Variants in MAB21L3 observed in about 807,000 individuals in gnomAD.
MAB21L3 encodes protein mab-21-like 3.
MAB21L3 carries 36 observed loss-of-function variants against 37.7 expected under a neutral mutation model. That is an observed-to-expected ratio of 0.96 (90% CI 0.73 to 1.26). The LOEUF is 1.26. Ranked by LOEUF, MAB21L3 falls within the 50% of genes most tolerant of loss-of-function variation. MAB21L3 has a pLI of 0.00. For missense variants in MAB21L3, 430 were observed against 447.3 expected (o/e 0.96, Z 0.35); for synonymous variants, 186 against 176.8 (o/e 1.05, Z -0.41).
intron 3 of MAB21L3, among the ~76,000 whole-genome samples, chr1:116,119,414 C>T (rs1443491952): frequency 3.9e-5 from 6 of 152,122 alleles, no homozygotes; most frequent in Admixed American, 3.3e-4. Context: ...TGAGTGAGGT[C>T]TCAGGTGACT....
Position 116,124,286 on chromosome 1 carries a change from T to C in MAB21L3, c.410T>C (p.Ile137Thr), listed in dbSNP as rs147982833. ...HETDVNIDGD[I>T]VPAKVLLVFR... The stretch of plus-strand genomic sequence containing the variant: ...ACAGATGTGAACATCGACGGAGACA[T>C]TGTGCCTGCCAAGGTCCTCCTAGTG... Residue 137 changes from isoleucine to threonine, a missense_variant, in exon 5 of 8, where the codon ATT becomes ACT. Coordinates refer to ENST00000369500, the MANE Select transcript of MAB21L3 (RefSeq NM_152367.3). 71 of 1,614,148 alleles carry C rather than the reference T, an allele frequency of 4.4e-5. No individual in the cohort carries two copies. The highest frequency in any genetic ancestry group is 3.3e-4 in the Middle Eastern group (2 of 6,044).
At chr1:116,111,568 G>T (rs998004015) in intron 1 of MAB21L3, among the ~76,000 whole-genome samples, 58 bp downstream of exon 1, 1 of 151,960 alleles carries the variant, frequency 6.6e-6, no homozygotes, top group African/African-American at 2.4e-5. Context: ...AGCAGACTCC[G>T]TGATGTTTAC....
intron 2 of MAB21L3, 24 bp from the exon 3 acceptor site, chr1:116,112,383 C>A: frequency 2.5e-6 from 1 of 398,324 alleles, no homozygotes; most frequent in South Asian, 5.1e-5. Context: ...TTTTTAAATT[C>A]TTTTTTTTTT....
At chr1:116,113,115 A>G (rs147253829) in intron 3 of MAB21L3, among the ~76,000 whole-genome samples, 2 of 152,356 alleles carry the variant, frequency 1.3e-5, no homozygotes, top group African/African-American at 4.8e-5. Context: ...TTTAGTACAC[A>G]TCAGTTAAGA....
At chr1:116,123,997 T>C in intron 4 of MAB21L3, 69 bp from the exon 5 acceptor site, 1 of 1,509,136 alleles carries the variant, frequency 6.6e-7, no homozygotes, top group Non-Finnish European at 8.9e-7. Flanking sequence ...GACAGGTTGG[T>C]TCCCAGGACT....
intron 4 of MAB21L3, among the ~76,000 whole-genome samples, chr1:116,122,075 A>T (rs1659766868): frequency 6.6e-6 from 1 of 152,218 alleles, no homozygotes; most frequent in African/African-American, 2.4e-5. Flanking sequence ...GGCACATGGT[A>T]GACACTTAAC....
chr1:116,120,588 T>G (rs546803934), intron 3 of MAB21L3, among the ~76,000 whole-genome samples: 1 of 151,730 alleles, frequency 6.6e-6, no homozygotes, highest in Non-Finnish European at 1.5e-5. Flanking sequence ...ATATCTACAT[T>G]TATTCCTATA....
intron 5 of MAB21L3, among the ~76,000 whole-genome samples, chr1:116,124,988 A>C (rs1342317966): frequency 6.6e-6 from 1 of 151,458 alleles, no homozygotes; most frequent in Non-Finnish European, 1.5e-5. Context: ...TAAATCAATA[A>C]GAAAAAAGAT....
chr1:116,129,045 G>T (rs1227721092), intron 7 of MAB21L3, among the ~76,000 whole-genome samples: 1 of 152,246 alleles, frequency 6.6e-6, no homozygotes, highest in Non-Finnish European at 1.5e-5. Flanking sequence ...CTCAACCTCT[G>T]CAGGCACAAA....
At chr1:116,112,988 C>T (rs777319365) in intron 3 of MAB21L3, among the ~76,000 whole-genome samples, 40 of 152,166 alleles carry the variant, frequency 2.6e-4, no homozygotes, top group Non-Finnish European at 4.3e-4. Flanking sequence ...GCCTTCTTCT[C>T]TGTAAAATGG....
chr1:116,112,688 A>G, intron 3 of MAB21L3, 25 bp downstream of exon 3: 1 of 1,612,312 alleles, frequency 6.2e-7, no homozygotes, highest in Non-Finnish European at 8.5e-7. Context: ...GGTCTCTCCC[A>G]TGAACCCCCT....
At position 116,134,359 on chromosome 1, in the gene MAB21L3, G is replaced by C. The variant is rs1249468803; in HGVS notation, c.*994G>C. 2 of 152,216 alleles carry C rather than the reference G, an allele frequency of 1.3e-5. No homozygotes were observed. Among genetic ancestry groups the C allele is most frequent in the African/African-American group, 4.8e-5 (2 of 41,432 alleles). The allele number at this position is 152,216 out of a possible 1,614,324, so 9.4% of individuals were successfully genotyped here. On this transcript the variant is annotated 3_prime_UTR_variant, in exon 8 of 8. Transcript: ENST00000369500. ...CAAAGTGGATGAGGACCTCCCCCTG[G>C]GGATGCCACCTAATGGTGGAGACAA... is the stretch of plus-strand genomic sequence containing the variant.
At position 116,135,157 on chromosome 1, in the gene MAB21L3, A is replaced by G. The variant is rs549146871; in HGVS notation, c.*1792A>G. On this transcript the variant is annotated 3_prime_UTR_variant, in exon 8 of 8. Coordinates refer to ENST00000369500, the MANE Select transcript of MAB21L3 (RefSeq NM_152367.3). ...CAGAACTGAAGGAAATAGAGACACAAAAAACCCTTCAAAAAATTAATAGAT... is the reference window on the plus strand; with the variant it reads ...CAGAACTGAAGGAAATAGAGACACAGAAAACCCTTCAAAAAATTAATAGAT... 532 of 152,200 alleles carry G rather than the reference A, an allele frequency of 3.5e-3. 5 individuals carry two copies. Among genetic ancestry groups the G allele is most frequent in the African/African-American group, 0.013 (522 of 41,510 alleles). The allele number at this position is 152,200 out of a possible 1,614,324, so 9.4% of individuals were successfully genotyped here.
At chr1:116,128,839 A>G (rs1170161323) in intron 7 of MAB21L3, among the ~76,000 whole-genome samples, 2 of 152,248 alleles carry the variant, frequency 1.3e-5, no homozygotes, top group Admixed American at 6.5e-5. Context: ...CACAGAGGTT[A>G]CCACACACGT....
rs1441186090 is a variant in MAB21L3, at chr1:116,138,008, G to C, written c.*4643G>C. Among the ~76,000 whole-genome samples the C allele has an allele frequency of 1.3e-5, 2 of 149,016 alleles. No homozygotes were observed. Among genetic ancestry groups the C allele is most frequent in the African/African-American group, 2.5e-5 (1 of 40,318 alleles). On this transcript the variant is annotated 3_prime_UTR_variant, in exon 8 of 8. Coordinates refer to ENST00000369500, the MANE Select transcript of MAB21L3 (RefSeq NM_152367.3). ...GGAGGGGGGAGGGATAGCATTGGGA[G>C]ATATACCTAATGCTAGATGACGAGT...
chr1:116,124,351 C>T lies in MAB21L3; in HGVS notation c.475C>T (p.Leu159Phe), dbSNP rs753229111. 2 of 1,611,988 alleles carry T rather than the reference C, an allele frequency of 1.2e-6. No homozygotes were observed. The highest frequency in any genetic ancestry group is 1.7e-6 in the Non-Finnish European group (2 of 1,179,468). ...GGAAAATGCAGTTAGAACCTGTCAC[C>T]TCTCAGGTGAGCTGATCAGGAACAA... ...LVENAVRTCHLSGKVSLLGNR... is the reference protein window; with the variant it reads ...LVENAVRTCHFSGKVSLLGNR... The change falls in exon 5 of 8, where the codon CTC becomes TTC. Residue 159 changes from leucine (L) to phenylalanine (F), a missense_variant. Coordinates refer to ENST00000369500, the MANE Select transcript of MAB21L3 (RefSeq NM_152367.3).
At position 116,124,279 on chromosome 1, in the gene MAB21L3, G is replaced by A. The variant is rs1055539851; in HGVS notation, c.403G>A (p.Gly135Arg). The stretch of plus-strand genomic sequence containing the variant: ...GCATGAGACAGATGTGAACATCGAC[G>A]GAGACATTGTGCCTGCCAAGGTCCT... The part of the protein sequence containing the change: ...QWHETDVNID[G>R]DIVPAKVLLV... Residue 135 changes from glycine to arginine, a missense_variant, in exon 5 of 8, where the codon GGA (glycine) becomes AGA (arginine). Coordinates refer to ENST00000369500, the MANE Select transcript of MAB21L3 (RefSeq NM_152367.3). 11 of 1,614,008 alleles carry A rather than the reference G, an allele frequency of 6.8e-6. No individual in the cohort carries two copies. The highest frequency in any genetic ancestry group is 3.3e-5 in the Admixed American group (2 of 60,006).
Position 116,135,282 on chromosome 1 carries a change from A to G in MAB21L3, c.*1917A>G, listed in dbSNP as rs1193194626. ...AAGAATCAAATAGATGCAATAAAAA[A>G]TGATAAAGGGGATATCACCACCGAT... On this transcript the variant is annotated 3_prime_UTR_variant, in exon 8 of 8. Coordinates refer to ENST00000369500, the MANE Select transcript of MAB21L3 (RefSeq NM_152367.3). The G allele has an allele frequency of 1.3e-5, 2 of 152,108 alleles. No homozygotes were observed. Among genetic ancestry groups the G allele is most frequent in the African/African-American group, 4.8e-5 (2 of 41,386 alleles). The allele number at this position is 152,108 out of a possible 1,614,324, so 9.4% of individuals were successfully genotyped here.
At chr1:116,127,703 C>G in intron 6 of MAB21L3, 59 bp downstream of exon 6, 1 of 1,503,070 alleles carries the variant, frequency 6.7e-7, no homozygotes, top group Non-Finnish European at 9.0e-7. Flanking sequence ...TAACCAGTCA[C>G]AGCATTACTG....
Sources: gnomAD v4.1 joint callset for allele counts (sites outside exome capture counted in the v4.1 genomes callset) on GRCh38, gnomAD v4.1.1 for gene constraint, MANE v1.5 for transcripts, NCBI Gene and HGNC (gene_info 2026-07-23, HGNC 2026-07-21) for gene names.